DSC3: variants seen among roughly 807,000 people sequenced by gnomAD.
The protein encoded by DSC3 is desmocollin 3, also known as desmocollin-3.
Under a neutral mutation model 89.5 loss-of-function variants are expected in DSC3, and 97 were observed. The observed-to-expected ratio is 1.08, with a 90% confidence interval of 0.92 to 1.28. DSC3 has a LOEUF of 1.28. DSC3 is among the 50% of genes most tolerant of loss of function. DSC3 has a pLI of 0.00. For synonymous variants in DSC3, 436 were observed against 384.1 expected (o/e 1.14, Z -1.58); for missense variants, 1,199 against 1,085.3 (o/e 1.10, Z -1.47).
At chr18:31,016,752 G>C (rs1985249204) in intron 9 of DSC3, among the ~76,000 whole-genome samples, 1 of 152,208 alleles carries the variant, frequency 6.6e-6, no homozygotes, top group African/African-American at 2.4e-5. Context: ...CCTGGGTACT[G>C]AGAAGGGATG....
chr18:31,022,077 GA>G (rs973852542), intron 7 of DSC3, among the ~76,000 whole-genome samples: 9 of 151,026 alleles, frequency 6.0e-5, no homozygotes, highest in East Asian at 3.9e-4. Flanking sequence ...CCACACATAA[GA>G]AAAAAAAATT....
chr18:31,038,784 T>C (rs964229745), intron 1 of DSC3, among the ~76,000 whole-genome samples: 2 of 152,042 alleles, frequency 1.3e-5, no homozygotes, highest in African/African-American at 4.8e-5. Flanking sequence ...AAATGGAACA[T>C]TACTAATATT....
chr18:31,025,637 C>T, intron 5 of DSC3, 123 bp downstream of exon 5: 1 of 1,054,628 alleles, frequency 9.5e-7, no homozygotes. Context: ...ATTCTATTTC[C>T]CATTGACTCT....
intron 1 of DSC3, among the ~76,000 whole-genome samples, chr18:31,036,843 A>T (rs561921729): frequency 2.3e-4 from 29 of 125,684 alleles, no homozygotes; most frequent in Non-Finnish European, 3.9e-4. Context: ...CCCAGGCTGG[A>T]GTGCAGTGGT....
intron 5 of DSC3, 119 bp downstream of exon 5, chr18:31,025,641 T>C: frequency 9.1e-7 from 1 of 1,094,332 alleles, no homozygotes; most frequent in South Asian, 1.3e-5. Flanking sequence ...TATTTCCCAT[T>C]GACTCTAAGA....
chr18:31,018,595 T>C, intron 8 of DSC3, 71 bp downstream of exon 8: 1 of 1,487,630 alleles, frequency 6.7e-7, no homozygotes, highest in Non-Finnish European at 9.3e-7. Context: ...AAGTATTAAT[T>C]TTATTAATTC....
intron 15 of DSC3, among the ~76,000 whole-genome samples, chr18:30,995,141 A>G (rs1343157947): frequency 2.0e-5 from 3 of 152,090 alleles, no homozygotes; most frequent in African/African-American, 7.2e-5. Flanking sequence ...CTGTCTGCCA[A>G]CTCGTCAACT....
At chr18:31,023,140 C>T (rs556331628) in intron 6 of DSC3, among the ~76,000 whole-genome samples, 62 of 152,178 alleles carry the variant, frequency 4.1e-4, no homozygotes, top group African/African-American at 1.4e-3. Context: ...AGAGAACAGA[C>T]TCCTCAAGAA....
rs567633226 is a variant in DSC3 at position 31,024,828 on chromosome 18, C to T, written c.631-335G>A. Reference sequence around the variant, plus strand: ...ATGCTGGAGAGAACAATTAAACTCACTGCAATAGGAAAAATTCCTACTACA... The same window carrying T: ...ATGCTGGAGAGAACAATTAAACTCATTGCAATAGGAAAAATTCCTACTACA... On this transcript the variant is annotated intron_variant, in intron 5 of 15. Coordinates refer to ENST00000360428, the MANE Select transcript of DSC3 (RefSeq NM_001941.5). Among the ~76,000 whole-genome samples, 677 of 152,156 alleles carry T rather than the reference C, an allele frequency of 4.4e-3. 5 individuals carry two copies. The highest frequency in any genetic ancestry group is 0.016 in the African/African-American group (663 of 41,538).
intron 1 of DSC3, 64 bp from the exon 2 acceptor site, chr18:31,032,340 C>A: frequency 7.8e-7 from 1 of 1,278,130 alleles, no homozygotes. Flanking sequence ...ATAATCATAT[C>A]AATAGATGTA....
At position 31,008,542 on chromosome 18, in the gene DSC3, A is replaced by G; in HGVS notation, c.1264-17T>C. 6.2e-7 allele frequency: 1 copy of G among 1,613,468 alleles called. No individual in the cohort carries two copies. The highest frequency in any genetic ancestry group is 8.5e-7 in the Non-Finnish European group (1 of 1,179,976). The stretch of plus-strand genomic sequence containing the variant: ...ATTCAGTGGCTTTAAAATAAAGTCC[A>G]TGTATATCAGTGTCAGTGTAAAATA... On this transcript the variant is annotated splice_polypyrimidine_tract_variant and intron_variant, in intron 9 of 15. Transcript: ENST00000360428.
intron 6 of DSC3, among the ~76,000 whole-genome samples, chr18:31,023,887 G>C (rs2144718756): frequency 6.6e-6 from 1 of 152,136 alleles, no homozygotes; most frequent in South Asian, 2.1e-4. Context: ...TGAGGTAGTA[G>C]TTTTAAAAGA....
intron 5 of DSC3, 30 bp from the exon 6 acceptor site, chr18:31,024,523 A>G (rs766418739): frequency 5.6e-6 from 9 of 1,607,892 alleles, no homozygotes; most frequent in Non-Finnish European, 7.6e-6. Context: ...AAGTTCCATT[A>G]ATATCAGATC....
chr18:31,038,690 A>G (rs936692634), intron 1 of DSC3, among the ~76,000 whole-genome samples: 1 of 152,112 alleles, frequency 6.6e-6, no homozygotes, highest in Non-Finnish European at 1.5e-5. Flanking sequence ...AAAATATATT[A>G]TAAATACCAA....
Position 31,029,610 on chromosome 18 carries a change from T to G in DSC3, c.373A>C (p.Thr125Pro). The G allele has an allele frequency of 2.5e-6, 4 of 1,613,802 alleles. No homozygotes were observed. The highest frequency in any genetic ancestry group is 3.4e-6 in the Non-Finnish European group (4 of 1,179,680). Residue 125 changes from threonine to proline, a missense_variant, in exon 4 of 16, where the codon ACT becomes CCT. Physicochemically the swap from Thr to Pro is conservative, Grantham distance 38. Coordinates refer to ENST00000360428, the MANE Select transcript of DSC3 (RefSeq NM_001941.5). Reference sequence around the variant, plus strand: ...GCACGCCTGAGAACAGTTTCTCTAGTGTGTCTTGTCTTCGATACCTGAATT... The same window carrying G: ...GCACGCCTGAGAACAGTTTCTCTAGGGTGTCTTGTCTTCGATACCTGAATT... The part of the protein sequence containing the change: ...HQKKVSKTRH[T>P]RETVLRRAKR...
At chr18:31,028,944 C>T (rs1222010623) in intron 4 of DSC3, among the ~76,000 whole-genome samples, 4 of 152,132 alleles carry the variant, frequency 2.6e-5, no homozygotes, top group African/African-American at 9.7e-5. Context: ...CTAAGGAGCT[C>T]TCACTTCTGT....
rs1313584 is a variant in DSC3, at chr18:31,005,924, A to G, written c.1888+983T>C. ...ATCCTCAGGATCTGGACGAGTGCTTAATAGATAGTAGATGTTCATAAATAT... is the reference window on the plus strand; with the variant it reads ...ATCCTCAGGATCTGGACGAGTGCTTGATAGATAGTAGATGTTCATAAATAT... On this transcript the variant is annotated intron_variant, in intron 12 of 15. Coordinates refer to ENST00000360428, the MANE Select transcript of DSC3 (RefSeq NM_001941.5). Among the ~76,000 whole-genome samples, 425 of 152,306 alleles carry G rather than the reference A, an allele frequency of 2.8e-3. 3 individuals carry two copies. The highest frequency in any genetic ancestry group is 9.6e-3 in the African/African-American group (399 of 41,568).
chr18:31,041,808 G>T (rs1986140874), intron 1 of DSC3, among the ~76,000 whole-genome samples: 1 of 152,066 alleles, frequency 6.6e-6, no homozygotes, highest in Non-Finnish European at 1.5e-5. Context: ...GCTGTGCTCC[G>T]GCCGCGCAGT....
At chr18:30,999,499 G>A (rs547527055) in intron 14 of DSC3, among the ~76,000 whole-genome samples, 50 of 150,606 alleles carry the variant, frequency 3.3e-4, no homozygotes, top group Non-Finnish European at 4.3e-4. Context: ...GTATAATTTC[G>A]TTGTAATAAA....
Sources: allele counts gnomAD v4.1 joint callset (sites outside exome capture counted in the v4.1 genomes callset), GRCh38; gene constraint gnomAD v4.1.1; transcripts MANE v1.5; gene names NCBI Gene and HGNC (gene_info 2026-07-23, HGNC 2026-07-21).